RANBP2: variants seen among roughly 807,000 people sequenced by gnomAD.
RANBP2 encodes the protein RAN binding protein 2, also known as E3 SUMO-protein ligase RanBP2.
RANBP2 carries 57 observed loss-of-function variants against 303.6 expected under a neutral mutation model. The ratio of observed to expected loss-of-function variants is 0.19; its 90% CI spans 0.15 to 0.23. The LOEUF is 0.23. Among genes scored for constraint, RANBP2 ranks in the 10% least tolerant of loss-of-function variants. The pLI, the probability that RANBP2 is intolerant of heterozygous loss-of-function variation, is 1.00. For missense variants in RANBP2, 3,138 were observed against 3,780.8 expected, an observed-to-expected ratio of 0.83 and a Z score of 4.46; for synonymous variants, 1,167 against 1,301.5, an observed-to-expected ratio of 0.90 and a Z score of 2.23.
the RANBP2 span, chr2:108,876,225 A>G: frequency 1.9e-6 from 3 of 1,612,376 alleles, no homozygotes; most frequent in South Asian, 3.3e-5. Context: ...ACAAAATGTA[A>G]CTCCCTGGTC....
the RANBP2 span, among the ~76,000 whole-genome samples, chr2:109,592,302 T>A: frequency 1.3e-5 from 2 of 151,068 alleles, no homozygotes; most frequent in East Asian, 3.9e-4. Context: ...CCGTCTCTAC[T>A]AAAAATACAA....
the RANBP2 span, among the ~76,000 whole-genome samples, chr2:109,537,621 A>G: frequency 6.6e-6 from 1 of 152,068 alleles, no homozygotes; most frequent in Non-Finnish European, 1.5e-5. Flanking sequence ...GTAACAAATT[A>G]CCATAAATTT....
the RANBP2 span, among the ~76,000 whole-genome samples, chr2:109,081,571 C>T: frequency 6.6e-6 from 1 of 152,310 alleles, no homozygotes; most frequent in East Asian, 1.9e-4. Flanking sequence ...ACAAGGGCCT[C>T]TGGGGACTGC....
the RANBP2 span, among the ~76,000 whole-genome samples, chr2:109,332,762 T>C: frequency 6.6e-6 from 1 of 152,140 alleles, no homozygotes; most frequent in Non-Finnish European, 1.5e-5. Flanking sequence ...GGTTAGTGTG[T>C]GGAGGCACAG....
chr2:109,470,230 C>A, the RANBP2 span, among the ~76,000 whole-genome samples: 1 of 152,194 alleles, frequency 6.6e-6, no homozygotes, highest in Non-Finnish European at 1.5e-5. Flanking sequence ...TTTGGAATGA[C>A]TTATTTCCTC....
the RANBP2 span, among the ~76,000 whole-genome samples, chr2:108,855,910 C>T: frequency 6.6e-6 from 1 of 152,156 alleles, no homozygotes; most frequent in Non-Finnish European, 1.5e-5. Flanking sequence ...AAACAGAAAT[C>T]TCAGTATAAA....
the RANBP2 span, among the ~76,000 whole-genome samples, chr2:109,718,402 T>C: frequency 6.6e-6 from 1 of 152,190 alleles, no homozygotes; most frequent in African/African-American, 2.4e-5. Context: ...AATGAAGTAC[T>C]AATACATGCT....
At chr2:108,932,819 T>C in the RANBP2 span, among the ~76,000 whole-genome samples, 1 of 152,164 alleles carries the variant, frequency 6.6e-6, no homozygotes. Context: ...CATAGCAGCA[T>C]GGAAATGTCT....
At chr2:109,094,857 AC>A in the RANBP2 span, among the ~76,000 whole-genome samples, 3 of 152,326 alleles carry the variant, frequency 2.0e-5, no homozygotes, top group Non-Finnish European at 4.4e-5. Flanking sequence ...AAACAAAAAA[AC>A]AACTGATTAA....
chr2:109,524,444 C>CAAAAAAAAAAAACAA, the RANBP2 span, among the ~76,000 whole-genome samples: 1 of 84,436 alleles, frequency 1.2e-5, no homozygotes, highest in African/African-American at 6.6e-5. Context: ...GACCCTGTCT[C>CAAAAAAAAAAAACAA]AAAAAAAAAA....
the RANBP2 span, among the ~76,000 whole-genome samples, chr2:108,879,509 T>G: frequency 6.6e-6 from 1 of 152,180 alleles, no homozygotes; most frequent in African/African-American, 2.4e-5. Flanking sequence ...ATGGAGAAAT[T>G]AATACCAACT....
the RANBP2 span, among the ~76,000 whole-genome samples, chr2:109,740,067 A>G: frequency 2.8e-5 from 4 of 143,392 alleles, no homozygotes; most frequent in Admixed American, 7.0e-5. Flanking sequence ...GCTCACTGCA[A>G]TCTCTGCCTT....
chr2:109,031,373 A>G, the RANBP2 span, among the ~76,000 whole-genome samples: 2 of 152,142 alleles, frequency 1.3e-5, no homozygotes, highest in East Asian at 1.9e-4. Context: ...GGGAGGAAAC[A>G]GCTTCCTCCA....
the RANBP2 span, among the ~76,000 whole-genome samples, chr2:109,244,411 T>C: frequency 7.2e-5 from 11 of 152,228 alleles, no homozygotes; most frequent in African/African-American, 2.2e-4. Flanking sequence ...ATTCAGTCTT[T>C]AGGCAAAACC....
chr2:109,276,735 T>G, the RANBP2 span, among the ~76,000 whole-genome samples: 1 of 152,228 alleles, frequency 6.6e-6, no homozygotes, highest in Non-Finnish European at 1.5e-5. Flanking sequence ...GCTTTTGTGA[T>G]ACCTCAGCCT....
the RANBP2 span, among the ~76,000 whole-genome samples, chr2:108,863,008 A>G: frequency 6.6e-6 from 1 of 152,228 alleles, no homozygotes; most frequent in African/African-American, 2.4e-5. Flanking sequence ...TCCAGGCATT[A>G]AACTTGTTCT....
chr2:108,910,538 G>A, the RANBP2 span: 2 of 1,610,990 alleles, frequency 1.2e-6, no homozygotes, highest in African/African-American at 2.7e-5. Context: ...GTTGTCTGCA[G>A]GGAAATGGGG....
intron 15 of RANBP2, 28 bp from the exon 16 acceptor site, chr2:108,754,877 G>T: frequency 6.2e-7 from 1 of 1,609,268 alleles, no homozygotes; most frequent in Non-Finnish European, 8.5e-7. Flanking sequence ...GCAAATGAAA[G>T]CCCTTAATTA....
In RANBP2 at chr2:108,754,977, G is replaced by A. The variant is rs779220689; in HGVS notation, c.2275G>A (p.Gly759Arg). The A allele has an allele frequency of 5.5e-5, 89 of 1,611,798 alleles. 1 individual carries two copies. In the East Asian group the frequency reaches 2.0e-3, roughly 36 times the overall value. Residue 759 changes from glycine to arginine, a missense_variant, in exon 16 of 29, where the codon GGA (glycine) becomes AGA (arginine). Gly to Arg is a moderately radical substitution (Grantham distance 125). This residue lies in a region of RANBP2 where 194 missense variants were observed against 197.4 expected (regional missense o/e 0.98). Coordinates refer to ENST00000283195, the MANE Select transcript of RANBP2 (RefSeq NM_006267.5). ...VMQELEDYSE[G>R]GPLYKNGSLR... ...GCAGGAACTCGAAGACTATAGTGAA[G>A]GAGGTCCTCTCTATAAAAATGGTTC...
Sources: allele counts gnomAD v4.1 joint callset (sites outside exome capture counted in the v4.1 genomes callset), GRCh38; gene constraint gnomAD v4.1.1; regional missense constraint gnomAD v4.1.1; transcripts MANE v1.5; gene names NCBI Gene and HGNC (gene_info 2026-07-23, HGNC 2026-07-21).